Variants in RSPH10B2 observed in about 807,000 individuals in gnomAD.
RSPH10B2 encodes radial spoke head 10 homolog B2 (Chlamydomonas).
In RSPH10B2, 9 loss-of-function variants were observed where a neutral mutation model predicts 49.0. The observed-to-expected ratio is 0.18, with a 90% CI of 0.11 to 0.32. The LOEUF (loss-of-function observed/expected upper bound fraction) is 0.32. RSPH10B2 is among the 10% of genes least tolerant of loss of function. The pLI is 1.00. For missense variants in RSPH10B2, 95 were observed against 589.9 expected (o/e 0.16, Z 8.69); for synonymous variants, 35 against 210.2 (o/e 0.17, Z 7.21).
chr7:6,761,365 A>G, intron 3 of RSPH10B2: 1 of 131,250 alleles, frequency 7.6e-6, no homozygotes, highest in Non-Finnish European at 1.6e-5. Context: ...TTGGGCCGGG[A>G]AGCCACCTGC....
upstream of RSPH10B2, chr7:6,754,333 C>T (rs1399905438): frequency 1.4e-5 from 2 of 147,596 alleles, no homozygotes; most frequent in African/African-American, 5.1e-5. Flanking sequence ...GGAGCCGATT[C>T]TTCTCGGCTC....
chr7:6,758,598 A>C (rs1188865359), intron 1 of RSPH10B2, among the ~76,000 whole-genome samples: 6 of 129,926 alleles, frequency 4.6e-5, no homozygotes, highest in African/African-American at 1.5e-4. Context: ...TAATCCCAGC[A>C]CTTTGGGAGG....
intron 18 of RSPH10B2, among the ~76,000 whole-genome samples, chr7:6,797,558 C>T (rs1164382237): frequency 9.4e-3 from 1,414 of 149,884 alleles, no homozygotes; most frequent in African/African-American, 0.034. Context: ...CATATTGGAC[C>T]CTCCATAAAG....
intron 18 of RSPH10B2, among the ~76,000 whole-genome samples, chr7:6,797,284 C>T (rs1231548107): frequency 6.9e-5 from 10 of 144,954 alleles, no homozygotes; most frequent in African/African-American, 2.2e-4. Flanking sequence ...GCTGGGGTCA[C>T]AGGGGTGAGT....
At chr7:6,795,496 G>C (rs1160882654) in intron 17 of RSPH10B2, among the ~76,000 whole-genome samples, 3 of 98,450 alleles carry the variant, frequency 3.0e-5, no homozygotes, top group African/African-American at 1.1e-4. Flanking sequence ...ACCTAGGCCG[G>C]GTGCAGAGGC....
intron 13 of RSPH10B2, among the ~76,000 whole-genome samples, chr7:6,782,598 G>C (rs942934243): frequency 2.5e-5 from 3 of 121,040 alleles, no homozygotes; most frequent in African/African-American, 9.7e-5. Flanking sequence ...TCCTAGAATA[G>C]CAATAAAGTC....
intron 13 of RSPH10B2, among the ~76,000 whole-genome samples, chr7:6,785,389 G>T (rs1270586463): frequency 6.6e-6 from 1 of 152,292 alleles, no homozygotes; most frequent in Non-Finnish European, 1.5e-5. Flanking sequence ...TGTTGCCCAG[G>T]CTGATCCCCA....
In RSPH10B2 at chr7:6,780,540, A is replaced by T. The variant is rs1781894708; in HGVS notation, c.1530-269A>T. Among the ~76,000 whole-genome samples the T allele has an allele frequency of 1.8e-5, 2 of 112,938 alleles. 1 individual carries two copies. Among genetic ancestry groups the T allele is most frequent in the Admixed American group, 2.0e-4 (2 of 9,968 alleles). The allele number at this position is 112,938 out of a possible 152,430, so 74.1% of individuals were successfully genotyped here. On this transcript the variant is annotated intron_variant, in intron 11 of 18. Transcript: ENST00000297186. ...CTGGGATTACCGGTGTCTGCCACCA[A>T]GCCCAGCTAATTTTTTGTATTTTTA...
In RSPH10B2 at chr7:6,798,525, CAAG is replaced by C. The variant is rs748147706; in HGVS notation, c.2604_2606del (p.Lys869del). 1.4e-4 allele frequency: 117 copies of C among 822,002 alleles called. 19 individuals are homozygous for C. The highest frequency in any genetic ancestry group is 3.2e-4 in the Middle Eastern group (1 of 3,128). 50.9% of individuals were successfully genotyped at this position (822,002 alleles called of 1,614,324 possible). On this transcript the variant is annotated inframe_deletion, in exon 19 of 19. Transcript: ENST00000297186. ...CCCCATCCAGCAAGACCATCACCAG[CAAG>C]AAGAAGAAAAAGTAGAGAGACACGA...
In RSPH10B2 at chr7:6,796,235, A is replaced by G. The variant is rs545310949; in HGVS notation, c.2234-333A>G. Reference sequence around the variant, plus strand: ...AGGCTGAGGCATGAGAATCACTTGAACCCAGGAGGTGGAGGTTGCAGTGAG... The same window carrying G: ...AGGCTGAGGCATGAGAATCACTTGAGCCCAGGAGGTGGAGGTTGCAGTGAG... On this transcript the variant is annotated intron_variant, in intron 17 of 18. Coordinates refer to ENST00000297186, the Ensembl canonical transcript of RSPH10B2. 4.4e-5 allele frequency among the ~76,000 whole-genome samples: 5 copies of G among 112,528 alleles called. 1 individual carries two copies. Among genetic ancestry groups the G allele is most frequent in the East Asian group, 2.4e-4 (1 of 4,178 alleles). The allele number at this position is 112,528 out of a possible 152,430, so 73.8% of individuals were successfully genotyped here.
upstream of RSPH10B2, chr7:6,753,877 ATTTG>A (rs1396822222): frequency 2.0e-5 from 1 of 50,234 alleles, no homozygotes. Context: ...ATTTATGGTA[ATTTG>A]TTTGCGGCAG....
intron 17 of RSPH10B2, among the ~76,000 whole-genome samples, 153 bp from the exon 20 acceptor site, chr7:6,796,415 G>A (rs2115091181): frequency 8.8e-6 from 1 of 113,906 alleles, no homozygotes; most frequent in East Asian, 2.3e-4. Context: ...CTTGTTCCAG[G>A]TGGTCATGGA....
chr7:6,764,711 TGTGTG>T (rs1255385890), intron 4 of RSPH10B2, among the ~76,000 whole-genome samples: 2 of 13,492 alleles, frequency 1.5e-4, no homozygotes, highest in African/African-American at 4.2e-4. Context: ...GTTGTTGTTG[TGTGTG>T]TGTGTGTGTG....
At chr7:6,796,429 A>G in intron 17 of RSPH10B2, 139 bp from the exon 20 acceptor site, 1 of 572,200 alleles carries the variant, frequency 1.7e-6, no homozygotes, top group East Asian at 4.1e-5. Flanking sequence ...TCATGGAAGC[A>G]GCGTCCTTAC....
In RSPH10B2 at chr7:6,781,874, A is replaced by G. The variant is rs1768907070; in HGVS notation, c.1758+398A>G. ...CATGGGCCATTGTCTTAAAAAATAT[A>G]TATATATATAAATATATATATAATA... On this transcript the variant is annotated intron_variant, in intron 13 of 18. Transcript: ENST00000297186. 1.8e-5 allele frequency among the ~76,000 whole-genome samples: 2 copies of G among 108,286 alleles called. 1 individual carries two copies. The highest frequency in any genetic ancestry group is 8.4e-4 in the South Asian group (2 of 2,368). The allele number at this position is 108,286 out of a possible 152,430, so 71.0% of individuals were successfully genotyped here.
At chr7:6,797,056 T>G in intron 18 of RSPH10B2, 2 of 346,340 alleles carry the variant, frequency 5.8e-6, no homozygotes, top group Non-Finnish European at 1.0e-5. Context: ...TCACCCAGGC[T>G]AGAGTGGAGT....
At chr7:6,768,811 A>G (rs1211855106) in intron 7 of RSPH10B2, 45 bp downstream of exon 9, 1 of 76,546 alleles carries the variant, frequency 1.3e-5, no homozygotes, top group Admixed American at 2.3e-4. Flanking sequence ...AATTATGTAA[A>G]GCCATTGAAA....
intron 17 of RSPH10B2, among the ~76,000 whole-genome samples, chr7:6,793,612 G>A (rs1221818297): frequency 1.5e-5 from 2 of 130,488 alleles, no homozygotes; most frequent in Admixed American, 8.5e-5. Flanking sequence ...TTGGGAGGCC[G>A]AGGCAGGCAG....
upstream of RSPH10B2, chr7:6,753,940 TAGC>T (rs1201339134): frequency 9.0e-6 from 1 of 110,680 alleles, no homozygotes; most frequent in Non-Finnish European, 1.9e-5. Context: ...ATGAAGCAGT[TAGC>T]AGAGCTGGGA....
Sources: gnomAD v4.1 joint callset for allele counts (sites outside exome capture counted in the v4.1 genomes callset) on GRCh38, gnomAD v4.1.1 for gene constraint, MANE v1.5 for transcripts, NCBI Gene and HGNC (gene_info 2026-07-23, HGNC 2026-07-21) for gene names.